Variants in TMEM255B observed in about 807,000 individuals in gnomAD.
The protein encoded by TMEM255B is family with sequence similarity 70, member B.
Under a neutral mutation model 34.5 loss-of-function variants are expected in TMEM255B, and 35 were observed. That is an observed-to-expected ratio of 1.01 (90% confidence interval 0.77 to 1.34). The LOEUF (loss-of-function observed/expected upper bound fraction) is 1.34, where lower values mean the gene tolerates loss of function less well. Among genes scored for constraint, TMEM255B ranks in the 40% most tolerant of loss-of-function variants. The probability of loss-of-function intolerance (pLI) is 0.00; values close to 1 mark genes in which losing one functional copy is unlikely to be tolerated. For synonymous variants in TMEM255B, 206 were observed against 201.2 expected (o/e 1.02, Z -0.20); for missense variants, 432 against 433.2 (o/e 1.00, Z 0.02).
At chr13:113,760,275 A>G (rs1275798355) in intron 1 of TMEM255B, among the ~76,000 whole-genome samples, 2 of 152,266 alleles carry the variant, frequency 1.3e-5, no homozygotes, top group African/African-American at 4.8e-5. Context: ...AAACCACTAT[A>G]TGCCTTCCAA....
In TMEM255B at chr13:113,770,685, G is replaced by A. The variant is rs954022579; in HGVS notation, c.252+1525G>A. Among the ~76,000 whole-genome samples, 15 of 152,078 alleles carry A rather than the reference G, an allele frequency of 9.9e-5. No homozygotes were observed. In the East Asian group the frequency reaches 1.9e-3, roughly 20 times the overall value. On this transcript the variant is annotated intron_variant, in intron 3 of 8. Coordinates refer to ENST00000375353, the MANE Select transcript of TMEM255B (RefSeq NM_182614.4). The surrounding 1 kb of genome is among the most constrained non-coding windows in gnomAD (Gnocchi z 4.6). ...CACCCACCCCCTGTTGTTGGCTCCC[G>A]AGGGTGGGCGTCACAGCTGACCAGG...
intron 7 of TMEM255B, among the ~76,000 whole-genome samples, chr13:113,803,939 G>A (rs890936346): frequency 1.3e-5 from 2 of 152,166 alleles, no homozygotes; most frequent in African/African-American, 2.4e-5. Flanking sequence ...CCGTGTCCCC[G>A]GGTCGTCACC....
At chr13:113,783,047 A>G (rs1205838639) in intron 3 of TMEM255B, among the ~76,000 whole-genome samples, 2 of 152,042 alleles carry the variant, frequency 1.3e-5, no homozygotes, top group African/African-American at 2.4e-5. Flanking sequence ...TCTAATTTTT[A>G]TAATTTTTTC....
In TMEM255B at chr13:113,800,195, G is replaced by GT. The variant is rs200887426; in HGVS notation, c.424-632_424-631insT. On this transcript the variant is annotated intron_variant, in intron 5 of 8. Coordinates refer to ENST00000375353, the MANE Select transcript of TMEM255B (RefSeq NM_182614.4). ...GTGGAGGTGTCCTGTGTGTGTGTGT[G>GT]GGGGGGGGTAGGCGGGAGGCATGCC... 4.8e-4 allele frequency: 21 copies of GT among 43,832 alleles called. No individual in the cohort carries two copies. The East Asian group carries it at 9.0e-3, about 19-fold the overall frequency. 2.7% of individuals were successfully genotyped at this position (43,832 alleles called of 1,614,324 possible). A position where few individuals can be genotyped will look rare whatever the true frequency, so the allele number is the denominator to read the frequency against.
At chr13:113,763,787 T>C (rs2050345091) in intron 1 of TMEM255B, among the ~76,000 whole-genome samples, 1 of 152,252 alleles carries the variant, frequency 6.6e-6, no homozygotes, top group South Asian at 2.1e-4. Flanking sequence ...CCCTTTTCCT[T>C]GTAAGAATGT....
At chr13:113,790,144 G>T (rs73584238) in intron 3 of TMEM255B, among the ~76,000 whole-genome samples, 17,749 of 125,620 alleles carry the variant, frequency 0.14, 1,923 homozygotes, top group Middle Eastern at 0.24. Flanking sequence ...TGGACTGACC[G>T]GGCACATGGA....
chr13:113,765,819 G>A (rs2050378728), intron 1 of TMEM255B, among the ~76,000 whole-genome samples: 1 of 152,238 alleles, frequency 6.6e-6, no homozygotes, highest in African/African-American at 2.4e-5. Flanking sequence ...GTCAGATAGA[G>A]GAAGAGGCAG....
chr13:113,811,775 G>T lies in TMEM255B; in HGVS notation c.853G>T (p.Ala285Ser), dbSNP rs201754463. The change falls in exon 9 of 9, where the codon GCT becomes TCT. Residue 285 changes from alanine to serine, a missense_variant. By Grantham distance (99) the Ala-to-Ser change is moderately conservative (BLOSUM62 1). Transcript: ENST00000375353. Reference protein sequence around the residue: ...RFPVAPSSALASSEDLQPPSP... With the variant: ...RFPVAPSSALSSSEDLQPPSP... ...CCCAGTTGCGCCCTCCTCTGCCCTG[G>T]CTTCGTCTGAGGACCTGCAGCCCCC... is the stretch of plus-strand genomic sequence containing the variant. 1.9e-5 allele frequency: 31 copies of T among 1,613,880 alleles called. No individual in the cohort carries two copies. The Admixed American group carries it at 5.2e-4, about 27-fold the overall frequency.
intron 3 of TMEM255B, among the ~76,000 whole-genome samples, chr13:113,784,625 G>A (rs7399809): frequency 0.41 from 62,905 of 152,128 alleles, 14,312 homozygotes; most frequent in East Asian, 0.72. Context: ...CATTGTGAGC[G>A]GTTGGAGGTG....
intron 8 of TMEM255B, among the ~76,000 whole-genome samples, chr13:113,808,987 T>G (rs2051246037): frequency 7.1e-6 from 1 of 141,374 alleles, no homozygotes; most frequent in Non-Finnish European, 1.5e-5. Context: ...GAGATTACTC[T>G]GGTTCCTGGG....
At chr13:113,790,405 C>T (rs941835582) in intron 3 of TMEM255B, among the ~76,000 whole-genome samples, 3 of 97,632 alleles carry the variant, frequency 3.1e-5, no homozygotes, top group African/African-American at 1.0e-4. Flanking sequence ...TGACCGGACA[C>T]GTGGACATCC....
intron 2 of TMEM255B, 176 bp downstream of exon 2, chr13:113,766,433 C>A: frequency 1.1e-6 from 1 of 928,704 alleles, no homozygotes; most frequent in Non-Finnish European, 1.7e-6. Context: ...ATCCCCAGGA[C>A]CTGGGACAGT....
chr13:113,783,927 G>A (rs2050702192), intron 3 of TMEM255B, among the ~76,000 whole-genome samples: 1 of 152,158 alleles, frequency 6.6e-6, no homozygotes, highest in South Asian at 2.1e-4. Flanking sequence ...AGGGGTGCAA[G>A]CATGACATAG....
At chr13:113,785,954 C>T (rs1212999279) in intron 3 of TMEM255B, among the ~76,000 whole-genome samples, 1 of 152,206 alleles carries the variant, frequency 6.6e-6, no homozygotes, top group Non-Finnish European at 1.5e-5. Context: ...TTGATTCCTC[C>T]AGTGGAGTCT....
chr13:113,805,278 G>A (rs575765373), intron 8 of TMEM255B, among the ~76,000 whole-genome samples: 21 of 152,322 alleles, frequency 1.4e-4, no homozygotes, highest in East Asian at 5.8e-4. Context: ...TTCTGACCCC[G>A]GGGCTGGCCC....
intron 5 of TMEM255B, chr13:113,799,778 G>T (rs1476505853): frequency 9.0e-6 from 6 of 667,360 alleles, no homozygotes; most frequent in Non-Finnish European, 1.4e-5. Flanking sequence ...ATTTCCCTGA[G>T]CCACCGACAG....
rs9577893 is a variant in TMEM255B at position 113,800,097 on chromosome 13, G to C, written c.423+678G>C. The C allele has an allele frequency of 5.5e-3, 6,199 of 1,125,752 alleles. 177 individuals are homozygous for C. The highest frequency in any genetic ancestry group is 0.054 in the South Asian group (3,114 of 57,332). The allele number at this position is 1,125,752 out of a possible 1,614,324, so 69.7% of individuals were successfully genotyped here. A position where few individuals can be genotyped will look rare whatever the true frequency, so the allele number is the denominator to read the frequency against. On this transcript the variant is annotated intron_variant, in intron 5 of 8. Coordinates refer to ENST00000375353, the MANE Select transcript of TMEM255B (RefSeq NM_182614.4). ...GTGTGTGTTTATGTGTGTGTGTGTGGGGGGGGGTAGGCAGGAGGCGTCCCG... is the reference window on the plus strand; with the variant it reads ...GTGTGTGTTTATGTGTGTGTGTGTGCGGGGGGGTAGGCAGGAGGCGTCCCG...
chr13:113,766,598 G>A (rs958572058), intron 2 of TMEM255B: 1 of 376,520 alleles, frequency 2.7e-6, no homozygotes, highest in Non-Finnish European at 5.0e-6. Context: ...AATGTCCAAG[G>A]TGGAGGAGGG....
chr13:113,784,551 A>G (rs1030257547), intron 3 of TMEM255B, among the ~76,000 whole-genome samples: 56 of 152,144 alleles, frequency 3.7e-4, no homozygotes, highest in African/African-American at 1.3e-3. Flanking sequence ...GAAGAAGAAG[A>G]AGAAGGAGGA....
Sources: gnomAD v4.1 joint callset for allele counts (sites outside exome capture counted in the v4.1 genomes callset) on GRCh38, gnomAD v4.1.1 for gene constraint, Gnocchi (gnomAD v3.1) non-coding constraint, MANE v1.5 for transcripts, NCBI Gene and HGNC (gene_info 2026-07-23, HGNC 2026-07-21) for gene names.